MUC22: variants seen among roughly 807,000 people sequenced by gnomAD.
The protein encoded by MUC22 is mucin-22.
In MUC22, 24 loss-of-function variants were observed where a neutral mutation model predicts 40.3. The observed-to-expected ratio is 0.60, with a 90% confidence interval of 0.43 to 0.84. The LOEUF is 0.84. Among genes scored for constraint, MUC22 ranks in the 40% least tolerant of loss-of-function variants. The pLI is 0.00. For synonymous variants in MUC22, 765 were observed against 844.5 expected (o/e 0.91, Z 1.63); for missense variants, 1,926 against 2,130.7 (o/e 0.90, Z 1.89).
intron 1 of MUC22, among the ~76,000 whole-genome samples, chr6:31,018,265 G>T (rs1387833600): frequency 6.6e-6 from 1 of 152,226 alleles, no homozygotes; most frequent in Non-Finnish European, 1.5e-5. Flanking sequence ...CCAAGTGCTT[G>T]AGTGGAAGGA....
chr6:31,022,959 G>A (rs953617141), intron 1 of MUC22, among the ~76,000 whole-genome samples: 3 of 151,662 alleles, frequency 2.0e-5, no homozygotes, highest in Admixed American at 2.0e-4. Context: ...GTGAAACCCT[G>A]TCTCTACTAA....
chr6:31,026,789 G>T (rs1765410628), exon 2 of MUC22: 2 of 1,509,820 alleles, frequency 1.3e-6, no homozygotes, highest in African/African-American at 2.8e-5. Context: ...TCTACTGCAG[G>T]CTCTGAGACC....
intron 1 of MUC22, among the ~76,000 whole-genome samples, chr6:31,022,326 G>A (rs752051044): frequency 2.0e-5 from 3 of 152,070 alleles, no homozygotes; most frequent in Non-Finnish European, 4.4e-5. Context: ...CACCATGCCT[G>A]GCTAATTTTG....
intron 1 of MUC22, among the ~76,000 whole-genome samples, chr6:31,010,996 C>T (rs1763830435): frequency 6.6e-6 from 1 of 151,606 alleles, no homozygotes; most frequent in Non-Finnish European, 1.5e-5. Flanking sequence ...GTATTAGTCT[C>T]CCCCAGCTGT....
intron 1 of MUC22, among the ~76,000 whole-genome samples, chr6:31,021,831 T>C (rs1216437075): frequency 6.6e-6 from 1 of 152,170 alleles, no homozygotes; most frequent in Non-Finnish European, 1.5e-5. Context: ...GAGCCAGCAG[T>C]GGCAACCTGC....
chr6:31,021,662 T>G (rs891295169), intron 1 of MUC22, among the ~76,000 whole-genome samples: 1 of 152,174 alleles, frequency 6.6e-6, no homozygotes, highest in Middle Eastern at 3.4e-3. Context: ...TGTGTCCATA[T>G]TCTGTATCTA....
Position 31,027,978 on chromosome 6 carries a change from T to C in MUC22, c.2547T>C (p.Ser849=), listed in dbSNP as rs993878101. 2.6e-6 allele frequency: 4 copies of C among 1,532,826 alleles called. No homozygotes were observed. The African/African-American group carries it at 4.1e-5, about 16-fold the overall frequency. The allele number at this position is 1,532,826 out of a possible 1,614,324, so 95.0% of individuals were successfully genotyped here. A position where few individuals can be genotyped will look rare whatever the true frequency, so the allele number is the denominator to read the frequency against. Reference sequence around the variant, plus strand: ...CAGGCTCTGAGACCACCACAGTCTCTACTGCAGATTCTGAGAACACCACAG... The same window carrying C: ...CAGGCTCTGAGACCACCACAGTCTCCACTGCAGATTCTGAGAACACCACAG... The change falls in exon 2 of 4, where the codon TCT becomes TCC. Residue 849 remains serine (S), a synonymous_variant. Transcript: ENST00000561890.
intron 1 of MUC22, among the ~76,000 whole-genome samples, chr6:31,015,092 T>TA (rs1237135916): frequency 1.3e-5 from 2 of 152,330 alleles, no homozygotes; most frequent in East Asian, 3.9e-4. Flanking sequence ...TTGAGCTATA[T>TA]GGCTGATTAC....
exon 1 of MUC22, chr6:31,010,528 A>T: frequency 1.8e-6 from 1 of 568,388 alleles, no homozygotes; most frequent in Non-Finnish European, 3.1e-6. Flanking sequence ...GGCTCCCCCC[A>T]ACCATGCCAT....
At position 31,026,406 on chromosome 6, in the gene MUC22, C is replaced by G. The variant is rs185985848; in HGVS notation, c.975C>G (p.Ser325=). Reference sequence around the variant, plus strand: ...TCACCACCACCTCTACGGCAGGATCCGAGAACACCACAGTCTCTAGTGCAG... The same window carrying G: ...TCACCACCACCTCTACGGCAGGATCGGAGAACACCACAGTCTCTAGTGCAG... Residue 325 remains serine (S), a synonymous_variant, in exon 2 of 4, where the codon TCC becomes TCG. Coordinates refer to ENST00000561890, the Ensembl canonical transcript of MUC22. The G allele has an allele frequency of 4.6e-6, 7 of 1,506,810 alleles. No individual in the cohort carries two copies. In the Admixed American group the frequency reaches 1.2e-4, roughly 26 times the overall value. 93.3% of individuals were successfully genotyped at this position (1,506,810 alleles called of 1,614,324 possible).
Position 31,028,623 on chromosome 6 carries a change from C to T in MUC22, c.3192C>T (p.Thr1064=), listed in dbSNP as rs969029637. Reference sequence around the variant, plus strand: ...CAGTCTTCACTGAAAACTCTGAGACCACCATAGCCTCTACCACAGCCTCTG... The same window carrying T: ...CAGTCTTCACTGAAAACTCTGAGACTACCATAGCCTCTACCACAGCCTCTG... The change falls in exon 2 of 4, where the codon ACC becomes ACT. Residue 1064 remains threonine, a synonymous_variant. Transcript: ENST00000561890. 9 of 1,534,906 alleles carry T rather than the reference C, an allele frequency of 5.9e-6. 1 individual carries two copies. The highest frequency in any genetic ancestry group is 4.9e-5 in the East Asian group (2 of 40,678).
chr6:31,014,224 T>A (rs949091284), intron 1 of MUC22, among the ~76,000 whole-genome samples: 2 of 152,192 alleles, frequency 1.3e-5, no homozygotes, highest in African/African-American at 2.4e-5. Context: ...AATAATAGCC[T>A]CATTTTTAAA....
exon 2 of MUC22, chr6:31,028,577 C>G: frequency 1.3e-6 from 2 of 1,534,676 alleles, no homozygotes; most frequent in Non-Finnish European, 1.7e-6. Context: ...AAGGTCTCCA[C>G]TGCAAGCTCT....
chr6:31,008,552 CT>C (rs10632347), upstream of MUC22, among the ~76,000 whole-genome samples: 112 of 140,010 alleles, frequency 8.0e-4, no homozygotes, highest in Non-Finnish European at 7.9e-4. Context: ...CTTTTTCTTT[CT>C]TTTTTTTTTT....
chr6:31,033,563 T>C (rs1766233894), intron 3 of MUC22, among the ~76,000 whole-genome samples: 1 of 152,240 alleles, frequency 6.6e-6, no homozygotes, highest in South Asian at 2.1e-4. Flanking sequence ...TCTTCCTGTT[T>C]TCTTGTGATC....
exon 2 of MUC22, chr6:31,029,539 A>G (rs979275377): frequency 3.9e-6 from 6 of 1,528,792 alleles, no homozygotes; most frequent in Middle Eastern, 1.7e-4. Flanking sequence ...CACCGCCTCT[A>G]CTGAAGGCTC....
At chr6:31,033,382 A>G (rs1264331260) in intron 3 of MUC22, among the ~76,000 whole-genome samples, 5 of 152,228 alleles carry the variant, frequency 3.3e-5, no homozygotes. Context: ...TCAGCCATCC[A>G]AAATGCGGGC....
chr6:31,021,366 G>A (rs1251621701), intron 1 of MUC22, among the ~76,000 whole-genome samples: 2 of 150,686 alleles, frequency 1.3e-5, no homozygotes, highest in East Asian at 1.9e-4. Flanking sequence ...TACACCAATC[G>A]GCACTCTGTA....
intron 1 of MUC22, among the ~76,000 whole-genome samples, chr6:31,021,877 T>G (rs1438760354): frequency 1.3e-5 from 2 of 150,922 alleles, no homozygotes; most frequent in Non-Finnish European, 3.0e-5. Flanking sequence ...ACTTTGTTCT[T>G]TTGCTCTTTG....
Sources: allele counts gnomAD v4.1 joint callset (sites outside exome capture counted in the v4.1 genomes callset), GRCh38; gene constraint gnomAD v4.1.1; transcripts MANE v1.5; gene names NCBI Gene and HGNC (gene_info 2026-07-23, HGNC 2026-07-21).